SLCO1B3: variants seen among roughly 807,000 people sequenced by gnomAD.
SLCO1B3 encodes the protein liver-specific organic anion transporter 2.
In SLCO1B3, 72 loss-of-function variants were observed where a neutral mutation model predicts 71.8. The ratio of observed to expected loss-of-function variants is 1.00; its 90% CI spans 0.83 to 1.22. The LOEUF is 1.22. Among genes scored for constraint, SLCO1B3 ranks in the 50% most tolerant of loss-of-function variants. SLCO1B3 has a pLI of 0.00. For synonymous variants in SLCO1B3, 298 were observed against 278.4 expected, an observed-to-expected ratio of 1.07 and a Z score of -0.70; for missense variants, 911 against 819.7, an observed-to-expected ratio of 1.11 and a Z score of -1.36.
In SLCO1B3 at chr12:20,862,770, A is replaced by C. The variant is rs747459855; in HGVS notation, c.643A>C (p.Ile215Leu). Residue 215 changes from isoleucine to leucine, a missense_variant, in exon 8 of 16, where the codon ATA becomes CTA. Ile to Leu is a conservative substitution (Grantham distance 5, BLOSUM62 2). Coordinates refer to ENST00000381545, the MANE Select transcript of SLCO1B3 (RefSeq NM_019844.4). ...AATACTTACAGGTAGTTTGAATGCA[A>C]TAGGAATGATTGGTCCAGTCATTGG... ...SSLYLGSLNAIGMIGPVIGFA... is the reference protein window; with the variant it reads ...SSLYLGSLNALGMIGPVIGFA... The C allele has an allele frequency of 6.2e-7, 1 of 1,610,158 alleles. No homozygotes were observed. The highest frequency in any genetic ancestry group is 1.3e-5 in the African/African-American group (1 of 74,868).
intron 13 of SLCO1B3, among the ~76,000 whole-genome samples, chr12:20,889,889 T>G (rs2036793872): frequency 6.6e-6 from 1 of 150,648 alleles, no homozygotes; most frequent in Non-Finnish European, 1.5e-5. Context: ...TGTTGTGTCT[T>G]TATTTTCATT....
chr12:20,839,503 G>C (rs1864751867), intron 3 of SLCO1B3, among the ~76,000 whole-genome samples: 1 of 152,124 alleles, frequency 6.6e-6, no homozygotes, highest in Admixed American at 6.6e-5. Flanking sequence ...CATGGTTTCT[G>C]AGAAGTCAAA....
intron 3 of SLCO1B3, among the ~76,000 whole-genome samples, chr12:20,838,123 T>G (rs1002965401): frequency 6.6e-6 from 1 of 151,654 alleles, no homozygotes; most frequent in Admixed American, 6.6e-5. Context: ...TTGCTTTTCT[T>G]TTTTTTTAAA....
At chr12:20,853,903 T>G (rs1278230828) in intron 3 of SLCO1B3, among the ~76,000 whole-genome samples, 3 of 141,056 alleles carry the variant, frequency 2.1e-5, no homozygotes, top group Non-Finnish European at 4.6e-5. Flanking sequence ...TTTTGGTTTC[T>G]TGTGTTTTCA....
At position 20,811,239 on chromosome 12, in the gene SLCO1B3, T is replaced by C. The variant is rs75271935; in HGVS notation, c.-181+475T>C. Among the ~76,000 whole-genome samples the C allele has an allele frequency of 1.7e-3, 253 of 152,260 alleles. 4 individuals are homozygous for C. In the East Asian group the frequency reaches 0.025, roughly 15 times the overall value. ...AAGTCACTTAATCACCTCACTTTCC[T>C]CCATTCAACTCGTTTGATTTAGGGT... On this transcript the variant is annotated intron_variant, in intron 1 of 15. Transcript: ENST00000381545.
chr12:20,894,028 C>T (rs1167193322), intron 13 of SLCO1B3, among the ~76,000 whole-genome samples: 1 of 152,166 alleles, frequency 6.6e-6, no homozygotes, highest in African/African-American at 2.4e-5. Context: ...CATTCCCTAC[C>T]TGTGCTATCT....
At chr12:20,823,909 C>A (rs1415939222) in intron 3 of SLCO1B3, among the ~76,000 whole-genome samples, 6 of 152,134 alleles carry the variant, frequency 3.9e-5, no homozygotes, top group Admixed American at 6.6e-5. Flanking sequence ...GTAGGTCAGC[C>A]TCCTTTTCTC....
chr12:20,879,150 C>T (rs1233180430), intron 10 of SLCO1B3, among the ~76,000 whole-genome samples: 1 of 150,452 alleles, frequency 6.6e-6, no homozygotes, highest in Non-Finnish European at 1.5e-5. Context: ...TTATTTTTGT[C>T]TCTCATGTGG....
chr12:20,841,074 A>C (rs1451155695), intron 3 of SLCO1B3, among the ~76,000 whole-genome samples: 1 of 152,072 alleles, frequency 6.6e-6, no homozygotes, highest in South Asian at 2.1e-4. Flanking sequence ...ATTCAATTAT[A>C]GTACATTTTT....
chr12:20,827,848 G>A (rs1351513616), intron 3 of SLCO1B3, among the ~76,000 whole-genome samples: 1 of 152,176 alleles, frequency 6.6e-6, no homozygotes, highest in African/African-American at 2.4e-5. Flanking sequence ...GATTACAGGT[G>A]TGAGCCACGG....
rs1426890048 is a variant in SLCO1B3 at position 20,862,613 on chromosome 12, AAAT to A, written c.628+62_628+64del. ...ATTACATTCCCTGGATCTACCCTTG[AAAT>A]AATAATGTCATTATTTTTTTCTTTT... On this transcript the variant is annotated intron_variant, in intron 7 of 15. Coordinates refer to ENST00000381545, the MANE Select transcript of SLCO1B3 (RefSeq NM_019844.4). 2.8e-5 allele frequency: 43 copies of A among 1,514,396 alleles called. 1 individual carries two copies. The highest frequency in any genetic ancestry group is 1.8e-5 in the Non-Finnish European group (20 of 1,113,032). The allele number at this position is 1,514,396 out of a possible 1,614,324, so 93.8% of individuals were successfully genotyped here.
At chr12:20,821,495 T>G (rs1015759457) in intron 3 of SLCO1B3, among the ~76,000 whole-genome samples, 9 of 151,390 alleles carry the variant, frequency 5.9e-5, no homozygotes, top group African/African-American at 4.9e-5. Flanking sequence ...GAGAAAAGAG[T>G]AGAGACACGG....
intron 8 of SLCO1B3, among the ~76,000 whole-genome samples, chr12:20,872,092 A>T (rs1865485614): frequency 6.6e-6 from 1 of 151,946 alleles, no homozygotes; most frequent in African/African-American, 2.4e-5. Flanking sequence ...CTGGCACCCA[A>T]ACCACAGCAC....
At chr12:20,911,339 A>G (rs1866370230) in intron 15 of SLCO1B3, among the ~76,000 whole-genome samples, 1 of 152,130 alleles carries the variant, frequency 6.6e-6, no homozygotes, top group Non-Finnish European at 1.5e-5. Flanking sequence ...GCAATGTCAA[A>G]TTCAATTAGC....
chr12:20,915,800 A>T (rs937802956), intron 15 of SLCO1B3, among the ~76,000 whole-genome samples: 1 of 152,108 alleles, frequency 6.6e-6, no homozygotes, highest in Non-Finnish European at 1.5e-5. Context: ...GCTGGGGTTT[A>T]GTTTCTGTAG....
chr12:20,898,342 C>A, intron 13 of SLCO1B3, 94 bp from the exon 14 acceptor site: 2 of 775,160 alleles, frequency 2.6e-6, no homozygotes, highest in Non-Finnish European at 2.3e-6. Flanking sequence ...TTCATTCTAC[C>A]AGGGAGAGGA....
At chr12:20,815,983 A>G (rs1864185735) in intron 3 of SLCO1B3, among the ~76,000 whole-genome samples, 161 bp downstream of exon 3, 2 of 152,234 alleles carry the variant, frequency 1.3e-5, no homozygotes, top group Non-Finnish European at 2.9e-5. Flanking sequence ...TATTGATTTA[A>G]ATCAGTTTTT....
chr12:20,894,340 CAAG>C (rs1865959399), intron 13 of SLCO1B3, among the ~76,000 whole-genome samples: 1 of 152,016 alleles, frequency 6.6e-6, no homozygotes, highest in Admixed American at 6.6e-5. Flanking sequence ...TATGAGCAGG[CAAG>C]AAGTAGTGTG....
Position 20,883,427 on chromosome 12 carries a change from A to T in SLCO1B3, c.1507A>T (p.Asn503Tyr). The T allele has an allele frequency of 6.5e-7, 1 of 1,532,972 alleles. No homozygotes were observed. Among genetic ancestry groups the T allele is most frequent in the South Asian group, 1.3e-5 (1 of 78,828 alleles). 95.0% of individuals were successfully genotyped at this position (1,532,972 alleles called of 1,614,324 possible). Residue 503 changes from asparagine to tyrosine, a missense_variant, in exon 13 of 16, where the codon AAC (asparagine) becomes TAC (tyrosine). By Grantham distance (143) the Asn-to-Tyr change is moderately radical. Transcript: ENST00000381545. ...CAAAAACTATTTTTAGGTGTTTTAT[A>T]ACTGTAGTTGTGTGGAAGTAACTGG... Reference protein sequence around the residue: ...SGIKKHTVFYNCSCVEVTGLQ... With the variant: ...SGIKKHTVFYYCSCVEVTGLQ...
Sources: gnomAD v4.1 joint callset for allele counts (sites outside exome capture counted in the v4.1 genomes callset) on GRCh38, gnomAD v4.1.1 for gene constraint, MANE v1.5 for transcripts, NCBI Gene and HGNC (gene_info 2026-07-23, HGNC 2026-07-21) for gene names.